MYO5B: variants seen among roughly 807,000 people sequenced by gnomAD.
The protein encoded by MYO5B is myosin VB.
Under a neutral mutation model 229.3 loss-of-function variants are expected in MYO5B, and 143 were observed. That is an observed-to-expected ratio of 0.62 (90% CI 0.54 to 0.72). The LOEUF is 0.72. Among genes scored for constraint, MYO5B ranks in the 30% least tolerant of loss-of-function variants. MYO5B has a pLI of 0.00. For missense variants in MYO5B, 2,321 were observed against 2,331.0 expected (o/e 1.00, Z 0.09); for synonymous variants, 918 against 885.2 (o/e 1.04, Z -0.66).
Position 50,060,199 on chromosome 18 carries a change from A to T in MYO5B, c.28-4821T>A, listed in dbSNP as rs563257180. Among the ~76,000 whole-genome samples, 6 of 152,318 alleles carry T rather than the reference A, an allele frequency of 3.9e-5. No individual in the cohort carries two copies. The South Asian group carries it at 1.2e-3, about 32-fold the overall frequency. On this transcript the variant is annotated intron_variant, in intron 1 of 39. Transcript: ENST00000285039. The stretch of plus-strand genomic sequence containing the variant: ...ATTTTTTCTCAGTTTAAACACACAC[A>T]CACTGTTCTGGTTGTAGAGATTGCA...
intron 19 of MYO5B, among the ~76,000 whole-genome samples, chr18:49,905,558 G>A (rs894311626): frequency 6.6e-6 from 1 of 152,160 alleles, no homozygotes; most frequent in Non-Finnish European, 1.5e-5. Flanking sequence ...AGGAGAAAGT[G>A]ACCCACTCAG....
At chr18:49,902,862 T>C (rs2024858467) in intron 20 of MYO5B, 29 bp from the exon 21 acceptor site, 2 of 1,597,024 alleles carry the variant, frequency 1.3e-6, no homozygotes, top group Non-Finnish European at 1.7e-6. Flanking sequence ...ACACATCTTG[T>C]GGGTTTGCAC....
At chr18:49,906,371 T>C (rs1568025848) in intron 19 of MYO5B, 48 bp downstream of exon 19, 3 of 1,579,722 alleles carry the variant, frequency 1.9e-6, no homozygotes, top group Non-Finnish European at 1.7e-6. Flanking sequence ...CAGACCCCCA[T>C]CTTCCCCACC....
intron 17 of MYO5B, among the ~76,000 whole-genome samples, chr18:49,929,012 A>G (rs2025159631): frequency 6.6e-6 from 1 of 152,200 alleles, no homozygotes; most frequent in East Asian, 1.9e-4. Flanking sequence ...CATTAGGTAC[A>G]GTGTATACTG....
At chr18:50,007,862 A>G (rs540736486) in intron 4 of MYO5B, among the ~76,000 whole-genome samples, 4 of 152,364 alleles carry the variant, frequency 2.6e-5, no homozygotes, top group African/African-American at 9.6e-5. Context: ...CTTAAGATTC[A>G]TAAGATCACT....
chr18:50,021,673 C>A (rs2026276188), intron 4 of MYO5B, among the ~76,000 whole-genome samples: 1 of 146,276 alleles, frequency 6.8e-6, no homozygotes, highest in Non-Finnish European at 1.5e-5. Flanking sequence ...CTAACCAATG[C>A]CCAATCTATG....
chr18:50,094,237 T>C (rs2031506910), intron 1 of MYO5B, among the ~76,000 whole-genome samples: 1 of 152,188 alleles, frequency 6.6e-6, no homozygotes, highest in African/African-American at 2.4e-5. Flanking sequence ...AAGCACAAGT[T>C]ACAAAATGTT....
Position 50,104,265 on chromosome 18 carries a change from GATAT to G in MYO5B, c.28-48891_28-48888del, listed in dbSNP as rs3075606. Among the ~76,000 whole-genome samples the G allele has an allele frequency of 9.8e-3, 1,315 of 134,524 alleles. 28 individuals carry two copies. The highest frequency in any genetic ancestry group is 0.032 in the African/African-American group (1,151 of 36,104). 88.3% of individuals were successfully genotyped at this position (134,524 alleles called of 152,430 possible). A position where few individuals can be genotyped will look rare whatever the true frequency, so the allele number is the denominator to read the frequency against. On this transcript the variant is annotated intron_variant, in intron 1 of 39. Transcript: ENST00000285039. ...TTAAGATTCCTGGGGATCTATACAT[GATAT>G]ATATATATATATATATATATATCTC...
At chr18:49,937,500 A>G in intron 14 of MYO5B, 103 bp from the exon 15 acceptor site, 1 of 1,392,604 alleles carries the variant, frequency 7.2e-7, no homozygotes, top group Non-Finnish European at 9.9e-7. Flanking sequence ...CGGAAAACAC[A>G]CATCCACGCC....
chr18:50,134,857 C>A (rs1481264847), intron 1 of MYO5B, among the ~76,000 whole-genome samples: 2 of 152,158 alleles, frequency 1.3e-5, no homozygotes, highest in East Asian at 3.9e-4. Context: ...AATTATCTCC[C>A]TTGATGCTTG....
At chr18:49,846,389 G>A (rs2024127137) in intron 33 of MYO5B, among the ~76,000 whole-genome samples, 1 of 152,190 alleles carries the variant, frequency 6.6e-6, no homozygotes, top group African/African-American at 2.4e-5. Context: ...GACCATGTAT[G>A]AGCAACGAAA....
At chr18:49,990,308 G>A (rs1467559375) in intron 7 of MYO5B, 131 bp downstream of exon 7, 5 of 736,130 alleles carry the variant, frequency 6.8e-6, no homozygotes, top group Non-Finnish European at 4.8e-6. Context: ...AGAGGCCTAG[G>A]GGTTATGGCC....
intron 27 of MYO5B, among the ~76,000 whole-genome samples, chr18:49,870,827 C>A (rs1168260201): frequency 6.6e-6 from 1 of 152,130 alleles, no homozygotes; most frequent in Non-Finnish European, 1.5e-5. Flanking sequence ...AAACTGGAAT[C>A]CTTGTGCACT....
At chr18:50,006,067 A>C (rs1272574385) in intron 4 of MYO5B, among the ~76,000 whole-genome samples, 1 of 152,158 alleles carries the variant, frequency 6.6e-6, no homozygotes, top group Non-Finnish European at 1.5e-5. Flanking sequence ...CTGGCCCTCC[A>C]TCTTTTCATC....
rs186560577 is a variant in MYO5B at position 49,920,614 on chromosome 18, G to T, written c.2091-8441C>A. 2.6e-3 allele frequency among the ~76,000 whole-genome samples: 402 copies of T among 152,300 alleles called. 8 individuals are homozygous for T. The South Asian group carries it at 0.042, about 16-fold the overall frequency. On this transcript the variant is annotated intron_variant, in intron 17 of 39. Coordinates refer to ENST00000285039, the MANE Select transcript of MYO5B (RefSeq NM_001080467.3). ...TCCTCCCCACTGGCTCCGAGTTGGA[G>T]CTGAGACACAAAGTGAGGACACAGG...
At chr18:49,907,120 C>T (rs2144151832) in intron 18 of MYO5B, among the ~76,000 whole-genome samples, 1 of 152,120 alleles carries the variant, frequency 6.6e-6, no homozygotes, top group South Asian at 2.1e-4. Context: ...GGTGCAACTG[C>T]TGGGTATATC....
intron 6 of MYO5B, 53 bp from the exon 7 acceptor site, chr18:49,990,573 C>T: frequency 6.9e-7 from 1 of 1,454,482 alleles, no homozygotes; most frequent in Non-Finnish European, 9.6e-7. Context: ...TAACATCGTT[C>T]CCTCTGCCAC....
chr18:50,172,600 A>G (rs1319120849), intron 1 of MYO5B, among the ~76,000 whole-genome samples: 1 of 152,242 alleles, frequency 6.6e-6, no homozygotes, highest in Non-Finnish European at 1.5e-5. Flanking sequence ...GCATTACCCT[A>G]TAAAGTGAAA....
At chr18:50,191,444 C>A (rs1030805775) in intron 1 of MYO5B, among the ~76,000 whole-genome samples, 24 of 152,162 alleles carry the variant, frequency 1.6e-4, no homozygotes, top group Non-Finnish European at 1.5e-5. Context: ...TCTCTGGTGA[C>A]ACCAGTTTTG....
Sources: allele counts gnomAD v4.1 joint callset (sites outside exome capture counted in the v4.1 genomes callset), GRCh38; gene constraint gnomAD v4.1.1; transcripts MANE v1.5; gene names NCBI Gene and HGNC (gene_info 2026-07-23, HGNC 2026-07-21).